WLS: variants seen among roughly 807,000 people sequenced by gnomAD.
WLS encodes protein wntless homolog.
Under a neutral mutation model 62.8 loss-of-function variants are expected in WLS, and 23 were observed. That is an observed-to-expected ratio of 0.37 (90% CI 0.26 to 0.52). WLS has a LOEUF of 0.52. Among genes scored for constraint, WLS ranks in the 20% least tolerant of loss-of-function variants. WLS has a pLI of 0.92. For synonymous variants in WLS, 246 were observed against 244.1 expected, an observed-to-expected ratio of 1.01 and a Z score of -0.07; for missense variants, 615 against 697.3, an observed-to-expected ratio of 0.88 and a Z score of 1.33.
intron 11 of WLS, among the ~76,000 whole-genome samples, chr1:68,127,579 T>G (rs976998956): frequency 6.6e-6 from 1 of 152,070 alleles, no homozygotes; most frequent in Non-Finnish European, 1.5e-5. Context: ...TGACTGTGTG[T>G]GGGGGTGCAC....
chr1:68,099,493 C>T (rs974517859), intron 11 of WLS, among the ~76,000 whole-genome samples: 1 of 152,146 alleles, frequency 6.6e-6, no homozygotes, highest in African/African-American at 2.4e-5. Flanking sequence ...TCCTTCCGTA[C>T]CTGTAGGAGA....
chr1:68,145,831 A>G, intron 9 of WLS, 38 bp downstream of exon 9: 1 of 1,612,600 alleles, frequency 6.2e-7, no homozygotes. Flanking sequence ...AAGATCAAGC[A>G]AGCACCAGTT....
intron 10 of WLS, among the ~76,000 whole-genome samples, chr1:68,143,808 T>G (rs2052959): frequency 0.3 from 46,171 of 152,124 alleles, 7,134 homozygotes; most frequent in Middle Eastern, 0.37. Context: ...CCTTCTGTGG[T>G]TCTATTGTAA....
chr1:68,120,055 C>A (rs551091831), intron 11 of WLS, among the ~76,000 whole-genome samples: 1 of 152,208 alleles, frequency 6.6e-6, no homozygotes, highest in Non-Finnish European at 1.5e-5. Context: ...TAATAAACCA[C>A]CCCTGTGATG....
chr1:68,112,048 T>C (rs1239331845), intron 11 of WLS, among the ~76,000 whole-genome samples: 2 of 152,210 alleles, frequency 1.3e-5, no homozygotes, highest in African/African-American at 4.8e-5. Flanking sequence ...TTCATTGCTC[T>C]AAGAAAATGC....
At chr1:68,146,717 C>T (rs1376541072) in intron 8 of WLS, among the ~76,000 whole-genome samples, 1 of 152,160 alleles carries the variant, frequency 6.6e-6, no homozygotes, top group Non-Finnish European at 1.5e-5. Flanking sequence ...TTCAAGGACA[C>T]ATGGCACAGG....
chr1:68,155,757 TAGA>T (rs976042826), intron 3 of WLS, among the ~76,000 whole-genome samples: 3 of 152,034 alleles, frequency 2.0e-5, no homozygotes, highest in African/African-American at 7.2e-5. Context: ...AGGGAGAAGC[TAGA>T]AGAAGCTGAA....
chr1:68,205,174 T>C lies in WLS; in HGVS notation c.107-10947A>G, dbSNP rs1649231026. ...AGTTTGGGAAGAAGCCAGAGCTGCCTTCCGTGAGGTCAGTCTCCCAAGGTC... is the reference window on the plus strand; with the variant it reads ...AGTTTGGGAAGAAGCCAGAGCTGCCCTCCGTGAGGTCAGTCTCCCAAGGTC... On this transcript the variant is annotated intron_variant, in intron 1 of 11. Transcript: ENST00000262348. Among the ~76,000 whole-genome samples the C allele has an allele frequency of 2.0e-5, 3 of 152,194 alleles. No individual in the cohort carries two copies. In the South Asian group the frequency reaches 6.2e-4, roughly 31 times the overall value.
intron 1 of WLS, among the ~76,000 whole-genome samples, chr1:68,218,143 C>A (rs1326868329): frequency 6.6e-6 from 1 of 152,092 alleles, no homozygotes; most frequent in Non-Finnish European, 1.5e-5. Flanking sequence ...GCTAAGTAGG[C>A]TTATACATTT....
intron 9 of WLS, 108 bp from the exon 10 acceptor site, chr1:68,144,760 C>A: frequency 1.2e-6 from 1 of 847,598 alleles, no homozygotes; most frequent in Non-Finnish European, 1.8e-6. Flanking sequence ...AAACCAAATC[C>A]CTAAGAATGA....
At chr1:68,171,041 T>C (rs1342197921) in intron 2 of WLS, among the ~76,000 whole-genome samples, 1 of 152,130 alleles carries the variant, frequency 6.6e-6, no homozygotes, top group African/African-American at 2.4e-5. Context: ...ATACTTTCTT[T>C]CTCCATCACC....
At chr1:68,148,768 A>G (rs1646786929) in intron 6 of WLS, 108 bp from the exon 7 acceptor site, 4 of 930,212 alleles carry the variant, frequency 4.3e-6, no homozygotes, top group Non-Finnish European at 5.0e-6. Flanking sequence ...ATTGTGTATC[A>G]AGCACTATGC....
chr1:68,159,286 G>A, intron 2 of WLS, 39 bp from the exon 3 acceptor site: 1 of 1,594,846 alleles, frequency 6.3e-7, no homozygotes, highest in Non-Finnish European at 8.5e-7. Context: ...AATGACTTTT[G>A]GAAAGATATT....
At chr1:68,133,362 T>A (rs1444758063) in intron 11 of WLS, among the ~76,000 whole-genome samples, 1 of 152,188 alleles carries the variant, frequency 6.6e-6, no homozygotes, top group East Asian at 1.9e-4. Context: ...GCAGCACCTA[T>A]CTGCTGGTGA....
intron 1 of WLS, among the ~76,000 whole-genome samples, chr1:68,226,985 A>G (rs1280783174): frequency 6.6e-6 from 1 of 152,228 alleles, no homozygotes; most frequent in Non-Finnish European, 1.5e-5. Flanking sequence ...AGGGAACCTG[A>G]AAACCTCACA....
intron 11 of WLS, among the ~76,000 whole-genome samples, chr1:68,119,676 C>T (rs1646340546): frequency 6.6e-6 from 1 of 152,256 alleles, no homozygotes; most frequent in Admixed American, 6.5e-5. Context: ...CCTTGCTTCT[C>T]CATGCCACCT....
intron 2 of WLS, among the ~76,000 whole-genome samples, chr1:68,169,868 C>T (rs991726426): frequency 3.9e-5 from 6 of 152,180 alleles, no homozygotes; most frequent in Non-Finnish European, 8.8e-5. Flanking sequence ...ACGTTCACTA[C>T]CCCTTCTACC....
At chr1:68,139,384 T>A (rs1247346930) in intron 10 of WLS, among the ~76,000 whole-genome samples, 1 of 152,214 alleles carries the variant, frequency 6.6e-6, no homozygotes, top group Non-Finnish European at 1.5e-5. Context: ...ACTTAGAGCA[T>A]CTTATGATGA....
chr1:68,208,648 A>T (rs1649382661), intron 1 of WLS, among the ~76,000 whole-genome samples: 1 of 152,194 alleles, frequency 6.6e-6, no homozygotes, highest in South Asian at 2.1e-4. Context: ...CCTTTGGTTG[A>T]CTGCCTGTTT....
Sources: gnomAD v4.1 joint callset for allele counts (sites outside exome capture counted in the v4.1 genomes callset) on GRCh38, gnomAD v4.1.1 for gene constraint, MANE v1.5 for transcripts, NCBI Gene and HGNC (gene_info 2026-07-23, HGNC 2026-07-21) for gene names.